Variants in PTPRQ observed in about 807,000 individuals in gnomAD.
PTPRQ encodes phosphatidylinositol phosphatase PTPRQ.
In PTPRQ, 199 loss-of-function variants were observed where a neutral mutation model predicts 246.0. The observed-to-expected ratio is 0.81, with a 90% CI of 0.72 to 0.91. The LOEUF (loss-of-function observed/expected upper bound fraction) is 0.91, where lower values mean the gene tolerates loss of function less well. Ranked by LOEUF, PTPRQ falls within the 40% of genes least tolerant of loss-of-function variation. PTPRQ has a pLI of 0.00. For synonymous variants in PTPRQ, 869 were observed against 853.2 expected, an observed-to-expected ratio of 1.02 and a Z score of -0.32; for missense variants, 2,624 against 2,528.4, an observed-to-expected ratio of 1.04 and a Z score of -0.81.
intron 25 of PTPRQ, chr12:80,583,783 A>T (rs1179351780): frequency 1.3e-5 from 2 of 152,198 alleles, no homozygotes; most frequent in Non-Finnish European, 2.9e-5. Context: ...CACAAGCTGA[A>T]GTCAACTTGT....
At chr12:80,558,138 CTTT>C (rs1158167374) in intron 25 of PTPRQ, among the ~76,000 whole-genome samples, 9 of 108,192 alleles carry the variant, frequency 8.3e-5, no homozygotes, top group Non-Finnish European at 1.5e-4. Context: ...CTTTTCTTTT[CTTT>C]TCTTTTCTTT....
rs938197565 is a variant in PTPRQ, at chr12:80,501,994, G to A, written c.2273-4030G>A. Among the ~76,000 whole-genome samples, 8 of 152,004 alleles carry A rather than the reference G, an allele frequency of 5.3e-5. No homozygotes were observed. The East Asian group carries it at 1.2e-3, about 22-fold the overall frequency. On this transcript the variant is annotated intron_variant, in intron 14 of 44. Coordinates refer to ENST00000644991, the MANE Select transcript of PTPRQ (RefSeq NM_001145026.2). ...GGCAAATTTTGAGGAATTTTGATAA[G>A]AAGTGGAGAGTAGACTTCAGTAATA...
At chr12:80,451,004 G>A (rs1026090990) in intron 3 of PTPRQ, among the ~76,000 whole-genome samples, 17 of 152,140 alleles carry the variant, frequency 1.1e-4, no homozygotes, top group African/African-American at 3.6e-4. Context: ...AATCCGTCTG[G>A]TCCTGGACTC....
rs569646208 is a variant in PTPRQ at position 80,666,140 on chromosome 12, C to CA, written c.6193-2865dup. On this transcript the variant is annotated intron_variant, in intron 39 of 44. Coordinates refer to ENST00000644991, the MANE Select transcript of PTPRQ (RefSeq NM_001145026.2). ...GCAGTAAGTGCTGCAGCACTATTCA[C>CA]AATAGATGAGATAAAGAATCAGCCT... Among the ~76,000 whole-genome samples the CA allele has an allele frequency of 2.1e-3, 324 of 152,026 alleles. 1 individual carries two copies. The highest frequency in any genetic ancestry group is 7.6e-3 in the African/African-American group (314 of 41,498).
chr12:80,588,165 T>A lies in PTPRQ; in HGVS notation c.4322T>A (p.Val1441Asp). 6.5e-7 allele frequency: 1 copy of A among 1,537,142 alleles called. No individual in the cohort carries two copies. The highest frequency in any genetic ancestry group is 1.2e-5 in the South Asian group (1 of 81,400). The change falls in exon 26 of 45, where the codon GTT becomes GAT. Residue 1441 changes from valine (V) to aspartate (D), a missense_variant. Val to Asp is a radical substitution (Grantham distance 152). Transcript: ENST00000644991. Reference sequence around the variant, plus strand: ...CCCACAAATATTGCTTTTTCTGATGTTCAGTCAACTAGTGCAACATTGACA... The same window carrying A: ...CCCACAAATATTGCTTTTTCTGATGATCAGTCAACTAGTGCAACATTGACA... ...SVPTNIAFSD[V>D]QSTSATLTWI...
chr12:80,641,861 C>T (rs907125452), intron 35 of PTPRQ, among the ~76,000 whole-genome samples: 1 of 151,754 alleles, frequency 6.6e-6, no homozygotes, highest in African/African-American at 2.4e-5. Context: ...TTCTCTCTCT[C>T]TCACTCTCTC....
intron 35 of PTPRQ, among the ~76,000 whole-genome samples, chr12:80,640,866 T>C (rs1250741075): frequency 2.6e-5 from 4 of 152,216 alleles, no homozygotes; most frequent in African/African-American, 9.7e-5. Context: ...TCCTGAGAAT[T>C]TGCTGTGTTC....
chr12:80,674,832 T>C (rs1565853842), intron 43 of PTPRQ, among the ~76,000 whole-genome samples: 1 of 152,150 alleles, frequency 6.6e-6, no homozygotes, highest in Non-Finnish European at 1.5e-5. Context: ...TTTAAAAAAC[T>C]GATCTAGCTT....
intron 9 of PTPRQ, among the ~76,000 whole-genome samples, chr12:80,487,683 A>G (rs534483177): frequency 1.3e-5 from 2 of 152,220 alleles, no homozygotes; most frequent in African/African-American, 4.8e-5. Context: ...AAGGTCAGTT[A>G]TTTCTACATC....
intron 17 of PTPRQ, among the ~76,000 whole-genome samples, chr12:80,532,251 T>C (rs1188395223): frequency 6.6e-6 from 1 of 152,150 alleles, no homozygotes; most frequent in Non-Finnish European, 1.5e-5. Context: ...TGAGACACAG[T>C]CTTGCTCTGT....
At chr12:80,546,534 TA>T in intron 23 of PTPRQ, 21 bp from the exon 24 acceptor site, 1 of 1,534,004 alleles carries the variant, frequency 6.5e-7, no homozygotes. Flanking sequence ...CATTAACTAA[TA>T]ACTTTTTTTC....
chr12:80,620,191 A>G lies in PTPRQ; in HGVS notation c.5427A>G (p.Ala1809=). ...GAAATGTAACAAAGTGGTATGATGC[A>G]TATTTTAATAAAGCAAGGCCATATT... ...HDGNVTKWYD[A]YFNKARPYFT... Residue 1809 remains alanine, a synonymous_variant, in exon 32 of 45, where the codon GCA becomes GCG. Coordinates refer to ENST00000644991, the MANE Select transcript of PTPRQ (RefSeq NM_001145026.2). The G allele has an allele frequency of 6.5e-7, 1 of 1,548,680 alleles. No individual in the cohort carries two copies. Among genetic ancestry groups the G allele is most frequent in the South Asian group, 1.2e-5 (1 of 83,892 alleles).
At chr12:80,644,324 C>G (rs1227628187) in intron 35 of PTPRQ, among the ~76,000 whole-genome samples, 1 of 152,134 alleles carries the variant, frequency 6.6e-6, no homozygotes, top group Non-Finnish European at 1.5e-5. Context: ...TTAGCCCTTT[C>G]TATTGGAAAT....
chr12:80,577,130 TA>T (rs1355220198), intron 25 of PTPRQ, among the ~76,000 whole-genome samples: 1 of 152,240 alleles, frequency 6.6e-6, no homozygotes, highest in African/African-American at 2.4e-5. Flanking sequence ...CTGTCAAAAC[TA>T]ATGAATTTAT....
Position 80,535,041 on chromosome 12 carries a change from A to T in PTPRQ, c.2985+4A>T. On this transcript the variant is annotated splice_donor_region_variant and intron_variant, in intron 19 of 44. Transcript: ENST00000644991. ...TACTTCAGGTACTTTTATGCAGGTA[A>T]GAACTGAATTTTCTTCTAGTTCTTT... 6.6e-7 allele frequency: 1 copy of T among 1,505,464 alleles called. No individual in the cohort carries two copies. The highest frequency in any genetic ancestry group is 1.4e-5 in the South Asian group (1 of 73,432). The allele number at this position is 1,505,464 out of a possible 1,614,324, so 93.3% of individuals were successfully genotyped here.
At chr12:80,454,463 T>C (rs1001626849) in intron 3 of PTPRQ, 9 of 682,854 alleles carry the variant, frequency 1.3e-5, no homozygotes, top group Admixed American at 1.3e-4. Flanking sequence ...TTTTATTTCT[T>C]TCTCTTGCTT....
At chr12:80,585,645 A>T (rs1897588438) in intron 25 of PTPRQ, among the ~76,000 whole-genome samples, 1 of 151,866 alleles carries the variant, frequency 6.6e-6, no homozygotes, top group Non-Finnish European at 1.5e-5. Flanking sequence ...CCAACTATAC[A>T]GTTTCCTCTG....
At chr12:80,523,091 G>A (rs1361327698) in intron 17 of PTPRQ, among the ~76,000 whole-genome samples, 1 of 152,108 alleles carries the variant, frequency 6.6e-6, no homozygotes, top group Non-Finnish European at 1.5e-5. Context: ...TTTAGTCTTG[G>A]GAGGGTGTAT....
chr12:80,658,560 A>G (rs554453330), intron 39 of PTPRQ, among the ~76,000 whole-genome samples: 2 of 152,170 alleles, frequency 1.3e-5, no homozygotes, highest in South Asian at 4.1e-4. Flanking sequence ...TGGAATCTTA[A>G]AGAAGGAAGT....
Sources: allele counts gnomAD v4.1 joint callset (sites outside exome capture counted in the v4.1 genomes callset), GRCh38; gene constraint gnomAD v4.1.1; transcripts MANE v1.5; gene names NCBI Gene and HGNC (gene_info 2026-07-23, HGNC 2026-07-21).